SDK1: variants seen among roughly 807,000 people sequenced by gnomAD.
SDK1 encodes the protein protein sidekick-1.
A neutral mutation model predicts 245.5 loss-of-function variants in SDK1; 157 were observed. The observed-to-expected ratio is 0.64, with a 90% CI of 0.56 to 0.73. The LOEUF is 0.73. SDK1 is among the 30% of genes least tolerant of loss of function. SDK1 has a pLI of 0.00. For missense variants in SDK1, 3,583 were observed against 3,002.3 expected (o/e 1.19, Z -4.52); for synonymous variants, 1,647 against 1,278.5 (o/e 1.29, Z -6.15).
intron 4 of SDK1, among the ~76,000 whole-genome samples, chr7:3,778,138 C>G (rs1252398922): frequency 6.6e-6 from 1 of 152,206 alleles, no homozygotes; most frequent in Admixed American, 6.5e-5. Flanking sequence ...TGTCTCCCAT[C>G]TTGTAGCAAC....
In SDK1 at chr7:4,032,523, G is replaced by A. The variant is rs950901277; in HGVS notation, c.2602+15171G>A. On this transcript the variant is annotated intron_variant, in intron 17 of 44. Coordinates refer to ENST00000404826, the MANE Select transcript of SDK1 (RefSeq NM_152744.4). ...AGCTGTAGACAAGAGAAAGCAAGGC[G>A]AGGTATAAATCCCCAAAAGGAAGTG... Among the ~76,000 whole-genome samples, 6 of 152,128 alleles carry A rather than the reference G, an allele frequency of 3.9e-5. No individual in the cohort carries two copies. In the South Asian group the frequency reaches 8.3e-4, roughly 21 times the overall value.
At chr7:3,568,702 G>C (rs1452711485) in intron 1 of SDK1, among the ~76,000 whole-genome samples, 1 of 152,186 alleles carries the variant, frequency 6.6e-6, no homozygotes, top group Non-Finnish European at 1.5e-5. Context: ...TCTTTCTGTG[G>C]TGACAGATAG....
At chr7:3,370,260 T>G (rs1338085988) in intron 1 of SDK1, among the ~76,000 whole-genome samples, 2 of 152,070 alleles carry the variant, frequency 1.3e-5, no homozygotes, top group Non-Finnish European at 2.9e-5. Context: ...ACAAGTGGTG[T>G]TTTTCAGACA....
At chr7:4,102,283 C>G (rs1183618936) in intron 22 of SDK1, among the ~76,000 whole-genome samples, 5 of 152,140 alleles carry the variant, frequency 3.3e-5, no homozygotes, top group South Asian at 2.1e-4. Flanking sequence ...CACCTCCTCT[C>G]AGGAGGTTTC....
At position 3,631,849 on chromosome 7, in the gene SDK1, G is replaced by T. The variant is rs549954003; in HGVS notation, c.459-7155G>T. ...CTACTCTGTAACATAATTCATTGTTGACAAATACTCCCGAGTGAGACAAGT... is the reference window on the plus strand; with the variant it reads ...CTACTCTGTAACATAATTCATTGTTTACAAATACTCCCGAGTGAGACAAGT... On this transcript the variant is annotated intron_variant, in intron 2 of 44. Transcript: ENST00000404826. Among the ~76,000 whole-genome samples the T allele has an allele frequency of 1.1e-4, 16 of 152,256 alleles. No individual in the cohort carries two copies. In the South Asian group the frequency reaches 3.1e-3, roughly 30 times the overall value.
At chr7:3,804,605 C>G (rs1338406890) in intron 4 of SDK1, among the ~76,000 whole-genome samples, 1 of 152,160 alleles carries the variant, frequency 6.6e-6, no homozygotes, top group Non-Finnish European at 1.5e-5. Context: ...GAAAATCTTG[C>G]TGAGATTTTG....
chr7:4,080,987 A>C, intron 22 of SDK1, among the ~76,000 whole-genome samples: 1 of 152,206 alleles, frequency 6.6e-6, no homozygotes, highest in East Asian at 1.9e-4. Flanking sequence ...TCTCATGAAA[A>C]CCAATTCTAC....
chr7:3,920,115 A>G (rs999850144), intron 5 of SDK1, among the ~76,000 whole-genome samples: 4 of 152,194 alleles, frequency 2.6e-5, no homozygotes, highest in African/African-American at 7.2e-5. Flanking sequence ...AATGGCGGTG[A>G]GTTCACCCCC....
chr7:3,848,368 G>C (rs1780333233), intron 5 of SDK1, among the ~76,000 whole-genome samples: 1 of 152,146 alleles, frequency 6.6e-6, no homozygotes, highest in African/African-American at 2.4e-5. Context: ...CACTTTTCCT[G>C]ACAGTCCTGT....
At chr7:3,843,410 G>T (rs186233536) in intron 5 of SDK1, among the ~76,000 whole-genome samples, 13 of 152,294 alleles carry the variant, frequency 8.5e-5, no homozygotes, top group Admixed American at 6.5e-4. Flanking sequence ...TTTGAAAAAG[G>T]AGCTCTTACT....
chr7:4,263,520 T>C, intron 44 of SDK1, among the ~76,000 whole-genome samples: 1 of 93,794 alleles, frequency 1.1e-5, no homozygotes, highest in Non-Finnish European at 2.3e-5. Flanking sequence ...AGACCTCTCC[T>C]GAGTGGGGAG....
intron 1 of SDK1, among the ~76,000 whole-genome samples, chr7:3,527,731 G>A (rs1350152305): frequency 1.4e-4 from 21 of 151,188 alleles, no homozygotes; most frequent in Non-Finnish European, 8.9e-5. Context: ...TGAGTGGTAG[G>A]AGGTAAGGTT....
chr7:4,025,368 G>A (rs777238657), intron 17 of SDK1, among the ~76,000 whole-genome samples: 6 of 152,360 alleles, frequency 3.9e-5, no homozygotes, highest in East Asian at 1.9e-4. Flanking sequence ...GAGTGAGGGC[G>A]TGAGCAGGGC....
At chr7:4,259,710 C>T (rs577380482) in intron 44 of SDK1, among the ~76,000 whole-genome samples, 4 of 152,288 alleles carry the variant, frequency 2.6e-5, no homozygotes, top group Admixed American at 6.5e-5. Context: ...GCTCAGCCTT[C>T]GCCACCAAAT....
At chr7:3,378,586 C>T (rs1781408820) in intron 1 of SDK1, among the ~76,000 whole-genome samples, 1 of 152,102 alleles carries the variant, frequency 6.6e-6, no homozygotes, top group Non-Finnish European at 1.5e-5. Flanking sequence ...CCCTCTTAAC[C>T]TCTCTGCTGT....
intron 1 of SDK1, among the ~76,000 whole-genome samples, chr7:3,542,322 G>T (rs953197845): frequency 1.3e-5 from 2 of 152,188 alleles, no homozygotes; most frequent in Non-Finnish European, 2.9e-5. Flanking sequence ...CAACAGCAGG[G>T]CTGGAAAGGT....
intron 35 of SDK1, among the ~76,000 whole-genome samples, chr7:4,195,737 CT>C (rs1022225981): frequency 1.3e-5 from 2 of 152,202 alleles, no homozygotes; most frequent in Non-Finnish European, 1.5e-5. Context: ...GCCTGCAGGG[CT>C]GCAGAGAGGA....
rs192573666 is a variant in SDK1 at position 3,486,266 on chromosome 7, T to C, written c.299-132814T>C. 3.3e-4 allele frequency among the ~76,000 whole-genome samples: 31 copies of C among 92,866 alleles called. 2 individuals are homozygous for C. The East Asian group carries it at 6.8e-3, about 20-fold the overall frequency. The allele number at this position is 92,866 out of a possible 152,430, so 60.9% of individuals were successfully genotyped here. A position where few individuals can be genotyped will look rare whatever the true frequency, so the allele number is the denominator to read the frequency against. ...TAAATCTTTAATATCTGAGGTTGTT[T>C]TCTTTTCCATTTCTATTGTACTTTA... is the stretch of plus-strand genomic sequence containing the variant. On this transcript the variant is annotated intron_variant, in intron 1 of 44. Coordinates refer to ENST00000404826, the MANE Select transcript of SDK1 (RefSeq NM_152744.4).
intron 7 of SDK1, chr7:3,958,287 A>G (rs1027447829): frequency 2.8e-5 from 8 of 283,914 alleles, no homozygotes; most frequent in South Asian, 2.1e-4. Flanking sequence ...AAATGTTGCA[A>G]TTGGCTCTCC....
Sources: gnomAD v4.1 joint callset for allele counts (sites outside exome capture counted in the v4.1 genomes callset) on GRCh38, gnomAD v4.1.1 for gene constraint, MANE v1.5 for transcripts, NCBI Gene and HGNC (gene_info 2026-07-23, HGNC 2026-07-21) for gene names.